The following HIC2 variants were observed in gnomAD, a reference collection of about 807,000 sequenced individuals.
HIC2 encodes the protein HIC ZBTB transcriptional repressor 2, also known as hypermethylated in cancer 2 protein.
In HIC2, 2 loss-of-function variants were observed where a neutral mutation model predicts 39.5. The observed-to-expected ratio is 0.05, with a 90% CI of 0.02 to 0.16. The LOEUF (loss-of-function observed/expected upper bound fraction) is 0.16, where lower values mean the gene tolerates loss of function less well. HIC2 is among the 10% of genes least tolerant of loss of function. HIC2 has a pLI of 1.00. For synonymous variants in HIC2, 399 were observed against 368.8 expected (o/e 1.08, Z -0.94); for missense variants, 713 against 863.5 (o/e 0.83, Z 2.18).
At position 21,445,395 on chromosome 22, in the gene HIC2, C is replaced by T. The variant is rs370782233; in HGVS notation, c.500C>T (p.Thr167Met). The T allele has an allele frequency of 6.5e-6, 10 of 1,539,288 alleles. No homozygotes were observed. The highest frequency in any genetic ancestry group is 5.5e-5 in the African/African-American group (4 of 72,690). The part of the protein sequence containing the change: ...GRPPRSQRLS[T>M]ASVIQARYQG... ...CCCCCCCGCAGCCAGCGGCTGTCCA[C>T]GGCCTCTGTCATCCAAGCTCGGTAT... is the stretch of plus-strand genomic sequence containing the variant. The change falls in exon 3 of 3, where the codon ACG (threonine) becomes ATG (methionine). Residue 167 changes from threonine (T) to methionine (M), a missense_variant. Transcript: ENST00000407464.
chr22:21,446,805 G>T lies in HIC2; in HGVS notation c.*62G>T. 2 of 1,546,856 alleles carry T rather than the reference G, an allele frequency of 1.3e-6. No homozygotes were observed. The highest frequency in any genetic ancestry group is 2.5e-5 in the South Asian group (2 of 80,202). On this transcript the variant is annotated 3_prime_UTR_variant, in exon 3 of 3. Transcript: ENST00000407464. ...TCCCCGGGAACCCATGGAAGGAGAA[G>T]CGAGGTGATGCAGCAGCAGGGGCAA...
In HIC2 at chr22:21,446,912, C is replaced by G. The variant is rs1923877012; in HGVS notation, c.*169C>G. 1 of 945,450 alleles carries G rather than the reference C, an allele frequency of 1.1e-6. No homozygotes were observed. The highest frequency in any genetic ancestry group is 1.7e-5 in the African/African-American group (1 of 60,070). The allele number at this position is 945,450 out of a possible 1,614,324, so 58.6% of individuals were successfully genotyped here. ...CAGAGCTTTAATGGACAGTCCGTAC[C>G]AAGCAGAGCCGAGAGGAGGGAAGCC... On this transcript the variant is annotated 3_prime_UTR_variant, in exon 3 of 3. Transcript: ENST00000407464.
Position 21,446,867 on chromosome 22 carries a change from T to C in HIC2, c.*124T>C. The C allele has an allele frequency of 4.6e-6, 6 of 1,294,682 alleles. No homozygotes were observed. The highest frequency in any genetic ancestry group is 5.2e-6 in the Non-Finnish European group (5 of 965,028). The allele number at this position is 1,294,682 out of a possible 1,614,324, so 80.2% of individuals were successfully genotyped here. ...CAGTGGAGGCTCCGGGTGGCCCCTC[T>C]GGCCCCCACTGCCCACACCCAGAGC... On this transcript the variant is annotated 3_prime_UTR_variant, in exon 3 of 3. Transcript: ENST00000407464.
Position 21,445,376 on chromosome 22 carries a change from C to T in HIC2, c.481C>T (p.Arg161Cys), listed in dbSNP as rs762752371. 9.7e-6 allele frequency: 15 copies of T among 1,553,968 alleles called. No individual in the cohort carries two copies. Among genetic ancestry groups the T allele is most frequent in the Admixed American group, 3.8e-5 (2 of 52,874 alleles). The change falls in exon 3 of 3, where the codon CGC becomes TGC. Residue 161 changes from arginine to cysteine, a missense_variant. Arg to Cys is a radical substitution (Grantham distance 180). This residue lies in a region of HIC2 where 457 missense variants were observed against 420.2 expected (regional missense o/e 1.09). Coordinates refer to ENST00000407464, the MANE Select transcript of HIC2 (RefSeq NM_015094.3). ...GTCCACTGGCATGGGGCGGCCCCCC[C>T]GCAGCCAGCGGCTGTCCACGGCCTC... is the stretch of plus-strand genomic sequence containing the variant. ...AGSTGMGRPP[R>C]SQRLSTASVI...
Position 21,445,247 on chromosome 22 carries a change from A to G in HIC2, c.352A>G (p.Thr118Ala). Residue 118 changes from threonine to alanine, a missense_variant, in exon 3 of 3, where the codon ACC (threonine) becomes GCC (alanine). Thr to Ala is a moderately conservative substitution (Grantham distance 58). This residue lies in a region of HIC2 where 102 missense variants were observed against 187.1 expected (regional missense o/e 0.55). Transcript: ENST00000407464. ...CCAGCCAGCCGAGCCCAACTTCAGC[A>G]CCCTCCTCACTGCCGCCAGCTACCT... ...SDQPAEPNFS[T>A]LLTAASYLQL... 6.2e-7 allele frequency: 1 copy of G among 1,612,908 alleles called. No homozygotes were observed. Among genetic ancestry groups the G allele is most frequent in the Non-Finnish European group, 8.5e-7 (1 of 1,179,964 alleles).
chr22:21,432,705 G>C (rs1923362702), intron 1 of HIC2, among the ~76,000 whole-genome samples: 2 of 144,808 alleles, frequency 1.4e-5, no homozygotes, highest in Non-Finnish European at 3.0e-5. Flanking sequence ...AAGTCAATTG[G>C]ACCTTAGGAC....
At chr22:21,444,849 C>T (rs1000282375) in intron 2 of HIC2, 73 bp from the exon 3 acceptor site, 4 of 1,523,692 alleles carry the variant, frequency 2.6e-6, no homozygotes, top group South Asian at 1.3e-5. Flanking sequence ...CCTCGTCGAG[C>T]CCCACCCTGC....
chr22:21,444,876 G>C (rs750331765), intron 2 of HIC2, 46 bp from the exon 3 acceptor site: 2 of 1,571,044 alleles, frequency 1.3e-6, no homozygotes, highest in Non-Finnish European at 8.6e-7. Flanking sequence ...GCCCTGGTCC[G>C]AGTGTGCCAG....
In HIC2 at chr22:21,445,572, G is replaced by T; in HGVS notation, c.677G>T (p.Gly226Val). Reference sequence around the variant, plus strand: ...GTCTGCCCAGCTGGCGGGGAGGCGGGTCTGGGGGGCTGCAGCAGCAGCACC... The same window carrying T: ...GTCTGCCCAGCTGGCGGGGAGGCGGTTCTGGGGGGCTGCAGCAGCAGCACC... ...RAVCPAGGEA[G>V]LGGCSSSTNG... Residue 226 changes from glycine (G) to valine (V), a missense_variant, in exon 3 of 3, where the codon GGT becomes GTT. By Grantham distance (109) the Gly-to-Val change is moderately radical (BLOSUM62 -3). This residue lies in a region of HIC2 where 457 missense variants were observed against 420.2 expected (regional missense o/e 1.09). Transcript: ENST00000407464. The T allele has an allele frequency of 6.3e-7, 1 of 1,592,358 alleles. No individual in the cohort carries two copies. The highest frequency in any genetic ancestry group is 1.1e-5 in the South Asian group (1 of 88,436).
intron 1 of HIC2, among the ~76,000 whole-genome samples, chr22:21,441,734 CTG>C (rs1923546534): frequency 2.8e-5 from 1 of 35,098 alleles, no homozygotes; most frequent in Non-Finnish European, 6.0e-5. Flanking sequence ...CCCTTGCTAA[CTG>C]TGGACGCCCT....
Position 21,445,396 on chromosome 22 carries a change from G to A in HIC2, c.501G>A (p.Thr167=), listed in dbSNP as rs755668442. Residue 167 remains threonine, a synonymous_variant, in exon 3 of 3, where the codon ACG becomes ACA. Coordinates refer to ENST00000407464, the MANE Select transcript of HIC2 (RefSeq NM_015094.3). ...CCCCCCGCAGCCAGCGGCTGTCCACGGCCTCTGTCATCCAAGCTCGGTATC... is the reference window on the plus strand; with the variant it reads ...CCCCCCGCAGCCAGCGGCTGTCCACAGCCTCTGTCATCCAAGCTCGGTATC... ...GRPPRSQRLS[T]ASVIQARYQG... is the part of the protein sequence containing the mutation. 19 of 1,539,820 alleles carry A rather than the reference G, an allele frequency of 1.2e-5. No homozygotes were observed. The highest frequency in any genetic ancestry group is 8.1e-5 in the Admixed American group (4 of 49,142).
Position 21,448,439 on chromosome 22 carries a change from A to G in HIC2, c.*1696A>G, listed in dbSNP as rs1434040907. On this transcript the variant is annotated 3_prime_UTR_variant, in exon 3 of 3. Transcript: ENST00000407464. ...CTGTGGGCCCTGAAGTGGGCTCTCAAGGTCAGACCAAGGTTGCTGATCTCA... is the reference window on the plus strand; with the variant it reads ...CTGTGGGCCCTGAAGTGGGCTCTCAGGGTCAGACCAAGGTTGCTGATCTCA... 1.3e-5 allele frequency: 2 copies of G among 152,790 alleles called. No homozygotes were observed. Among genetic ancestry groups the G allele is most frequent in the African/African-American group, 4.8e-5 (2 of 41,464 alleles). 9.5% of individuals were successfully genotyped at this position (152,790 alleles called of 1,614,324 possible). A position where few individuals can be genotyped will look rare whatever the true frequency, so the allele number is the denominator to read the frequency against.
At chr22:21,438,077 G>A (rs1379287732) in intron 1 of HIC2, among the ~76,000 whole-genome samples, 112 of 149,930 alleles carry the variant, frequency 7.5e-4, no homozygotes, top group African/African-American at 1.2e-3. Flanking sequence ...AGGGCTAGGC[G>A]GGATGGCCTG....
Position 21,445,054 on chromosome 22 carries a change from G to A in HIC2, c.159G>A (p.Glu53=), listed in dbSNP as rs559177324. The A allele has an allele frequency of 6.2e-7, 1 of 1,614,136 alleles. No individual in the cohort carries two copies. The highest frequency in any genetic ancestry group is 8.5e-7 in the Non-Finnish European group (1 of 1,180,036). ...GFLCDVIIMV[E]NSIFRAHKNV... The stretch of plus-strand genomic sequence containing the variant: ...TGTGTGACGTCATCATCATGGTGGA[G>A]AACTCCATCTTCCGGGCCCACAAGA... The change falls in exon 3 of 3, where the codon GAG becomes GAA. Residue 53 remains glutamate, a synonymous_variant. Coordinates refer to ENST00000407464, the MANE Select transcript of HIC2 (RefSeq NM_015094.3).
Position 21,445,670 on chromosome 22 carries a change from G to A in HIC2, c.775G>A (p.Ala259Thr), listed in dbSNP as rs774831263. Residue 259 changes from alanine (A) to threonine (T), a missense_variant, in exon 3 of 3, where the codon GCC becomes ACC. Coordinates refer to ENST00000407464, the MANE Select transcript of HIC2 (RefSeq NM_015094.3). ...LSKKSPPLPPATPGPHLTPDD... is the reference protein window; with the variant it reads ...LSKKSPPLPPTTPGPHLTPDD... ...CAAGAAAAGCCCACCCTTGCCCCCT[G>A]CCACCCCAGGTCCCCACCTCACTCC... The A allele has an allele frequency of 1.8e-5, 29 of 1,607,184 alleles. No individual in the cohort carries two copies. The South Asian group carries it at 2.9e-4, about 16-fold the overall frequency.
In HIC2 at chr22:21,451,208, C is replaced by T. The variant is rs1276145804; in HGVS notation, c.*4465C>T. ...AGAGGGATCATGTTTTGTTTTATGC[C>T]CTTCCCAGAAGGGGGGAGGGACACC... On this transcript the variant is annotated 3_prime_UTR_variant, in exon 3 of 3. Transcript: ENST00000407464. 2 of 152,648 alleles carry T rather than the reference C, an allele frequency of 1.3e-5. No individual in the cohort carries two copies. Among genetic ancestry groups the T allele is most frequent in the African/African-American group, 4.8e-5 (2 of 41,392 alleles). 9.5% of individuals were successfully genotyped at this position (152,648 alleles called of 1,614,324 possible).
intron 2 of HIC2, among the ~76,000 whole-genome samples, chr22:21,443,788 C>T (rs1392211084): frequency 2.0e-5 from 3 of 152,116 alleles, no homozygotes; most frequent in Admixed American, 1.3e-4. Context: ...GGGAGTACTG[C>T]GTTTTGTACT....
Position 21,446,796 on chromosome 22 carries a change from G to A in HIC2, c.*53G>A. On this transcript the variant is annotated 3_prime_UTR_variant, in exon 3 of 3. Transcript: ENST00000407464. The stretch of plus-strand genomic sequence containing the variant: ...CCACCTTGCTCCCCGGGAACCCATG[G>A]AAGGAGAAGCGAGGTGATGCAGCAG... 1.3e-6 allele frequency: 2 copies of A among 1,556,978 alleles called. No individual in the cohort carries two copies. Among genetic ancestry groups the A allele is most frequent in the Non-Finnish European group, 1.7e-6 (2 of 1,149,994 alleles).
chr22:21,444,472 A>G (rs1273703276), intron 2 of HIC2, among the ~76,000 whole-genome samples: 1 of 152,034 alleles, frequency 6.6e-6, no homozygotes, highest in Non-Finnish European at 1.5e-5. Flanking sequence ...GTTTTGGGGG[A>G]TTTTTGCCAG....
Sources: gnomAD v4.1 joint callset for allele counts (sites outside exome capture counted in the v4.1 genomes callset) on GRCh38, gnomAD v4.1.1 for gene constraint, gnomAD v4.1.1 regional missense constraint, MANE v1.5 for transcripts, NCBI Gene and HGNC (gene_info 2026-07-23, HGNC 2026-07-21) for gene names.